OPHN1: variants seen among roughly 807,000 people sequenced by gnomAD.
OPHN1 encodes the protein oligophrenin 1.
A neutral mutation model predicts 60.7 loss-of-function variants in OPHN1; 11 were observed. That is an observed-to-expected ratio of 0.18 (90% CI 0.11 to 0.30). OPHN1 has a LOEUF of 0.30. Among genes scored for constraint, OPHN1 ranks in the 10% least tolerant of loss-of-function variants. OPHN1 has a pLI of 1.00. For synonymous variants in OPHN1, 226 were observed against 222.6 expected (o/e 1.02, Z -0.14); for missense variants, 449 against 611.0 (o/e 0.73, Z 2.80).
At chrX:68,049,858 C>T (rs1176610343) in intron 23 of OPHN1, among the ~76,000 whole-genome samples, 2 of 111,843 alleles carry the variant, frequency 1.8e-5, no homozygotes, top group African/African-American at 3.2e-5. Flanking sequence ...CATAAGCTGT[C>T]GGGCCTCTTT....
intron 2 of OPHN1, among the ~76,000 whole-genome samples, chrX:68,310,894 A>C (rs1478776954): frequency 1.8e-5 from 2 of 111,559 alleles, no homozygotes; most frequent in Non-Finnish European, 3.8e-5. Flanking sequence ...GCAAAATATA[A>C]AAGAAAAAAT....
At chrX:68,221,308 G>C (rs1264946382) in intron 6 of OPHN1, among the ~76,000 whole-genome samples, 1 of 41,892 alleles carries the variant, frequency 2.4e-5, no homozygotes, top group African/African-American at 7.6e-5. Flanking sequence ...AACATTCCAT[G>C]CTCATGGGTA....
chrX:68,182,261 C>T (rs961111131), intron 15 of OPHN1, among the ~76,000 whole-genome samples: 2 of 98,876 alleles, frequency 2.0e-5, no homozygotes, highest in Non-Finnish European at 4.0e-5. Flanking sequence ...AACCAATACC[C>T]ACTGAGGGGG....
intron 2 of OPHN1, among the ~76,000 whole-genome samples, chrX:68,388,280 T>C (rs760025067): frequency 5.7e-5 from 6 of 105,558 alleles, no homozygotes; most frequent in Non-Finnish European, 9.7e-5. Context: ...GCCAACATGG[T>C]GAAACCCTGT....
intron 6 of OPHN1, among the ~76,000 whole-genome samples, chrX:68,222,972 G>A (rs1460700163): frequency 9.1e-6 from 1 of 110,182 alleles, no homozygotes; most frequent in African/African-American, 3.3e-5. Flanking sequence ...AAAAGAAAAT[G>A]GAAATTAAAA....
At chrX:68,122,240 C>T (rs1312305344) in intron 15 of OPHN1, among the ~76,000 whole-genome samples, 1 of 112,060 alleles carries the variant, frequency 8.9e-6, no homozygotes, top group Non-Finnish European at 1.9e-5. Context: ...TCTTATTCAA[C>T]ACCATCAAGG....
intron 4 of OPHN1, among the ~76,000 whole-genome samples, chrX:68,281,044 A>T (rs776605631): frequency 3.6e-5 from 4 of 112,071 alleles, no homozygotes; most frequent in Non-Finnish European, 7.5e-5. Flanking sequence ...TCCTAATCAA[A>T]ATCAAAAAGA....
intron 2 of OPHN1, among the ~76,000 whole-genome samples, chrX:68,362,437 T>A (rs181114944): frequency 1.7e-3 from 193 of 112,058 alleles, no homozygotes; most frequent in Admixed American, 5.5e-3. Context: ...GTTCAAGAGA[T>A]CCATTGTCAA....
In OPHN1 at chrX:68,053,948, A is replaced by ATTT. The variant is rs397895409; in HGVS notation, c.2159-141_2159-139dup. 62,667 of 422,303 alleles carry ATTT rather than the reference A, an allele frequency of 0.15. 2,715 individuals carry two copies. The highest frequency in any genetic ancestry group is 0.29 in the African/African-American group (9,703 of 33,161). 34.8% of individuals were successfully genotyped at this position (422,303 alleles called of 1,213,427 possible). On this transcript the variant is annotated intron_variant, in intron 21 of 24. Coordinates refer to ENST00000355520, the MANE Select transcript of OPHN1 (RefSeq NM_002547.3). ...TTCTTGGTGACTAACAACTCTGGCTATTTTTTTTTTTTTTTGTAATTTTTC... is the reference window on the plus strand; with the variant it reads ...TTCTTGGTGACTAACAACTCTGGCTATTTTTTTTTTTTTTTTTTGTAATTTTTC...
intron 7 of OPHN1, 90 bp from the exon 8 acceptor site, chrX:68,212,302 T>C: frequency 1.6e-6 from 1 of 617,119 alleles, no homozygotes; most frequent in Non-Finnish European, 2.6e-6. Context: ...AACTCCATGG[T>C]GTGGCTGGGT....
intron 20 of OPHN1, among the ~76,000 whole-genome samples, chrX:68,068,852 T>C (rs1286081033): frequency 8.9e-6 from 1 of 111,918 alleles, no homozygotes; most frequent in Non-Finnish European, 1.9e-5. Context: ...TATTCTATAA[T>C]TATATTTCTA....
chrX:68,230,230 G>C lies in OPHN1; in HGVS notation c.486+4257C>G, dbSNP rs958871955. Reference sequence around the variant, plus strand: ...CACAATGAGATACCATCTCACACCAGTTAGAATGGCAATCATTAAAAAGTC... The same window carrying C: ...CACAATGAGATACCATCTCACACCACTTAGAATGGCAATCATTAAAAAGTC... On this transcript the variant is annotated intron_variant, in intron 6 of 24. Transcript: ENST00000355520. Among the ~76,000 whole-genome samples, 7 of 111,401 alleles carry C rather than the reference G, an allele frequency of 6.3e-5. No homozygotes were observed. The East Asian group carries it at 1.7e-3, about 27-fold the overall frequency.
At chrX:68,404,137 G>A (rs754569967) in intron 2 of OPHN1, among the ~76,000 whole-genome samples, 1 of 109,584 alleles carries the variant, frequency 9.1e-6, no homozygotes, top group Non-Finnish European at 1.9e-5. Context: ...CAGCCATTAT[G>A]GAAAACAGTA....
chrX:68,381,808 T>C (rs964800142), intron 2 of OPHN1, among the ~76,000 whole-genome samples: 2 of 111,162 alleles, frequency 1.8e-5, no homozygotes, highest in African/African-American at 6.5e-5. Context: ...CTCTCTCTTC[T>C]CTCCTCTTCC....
At chrX:68,401,090 C>T (rs1183959988) in intron 2 of OPHN1, among the ~76,000 whole-genome samples, 2 of 111,700 alleles carry the variant, frequency 1.8e-5, no homozygotes, top group Non-Finnish European at 3.8e-5. Context: ...GATCCTTTCA[C>T]TTCCCACCAG....
At chrX:68,246,899 A>C (rs2077808594) in intron 5 of OPHN1, among the ~76,000 whole-genome samples, 1 of 111,469 alleles carries the variant, frequency 9.0e-6, no homozygotes, top group Non-Finnish European at 1.9e-5. Flanking sequence ...TAAATATCTT[A>C]CCCAATGCAA....
At chrX:68,268,670 A>G (rs1166690411) in intron 5 of OPHN1, among the ~76,000 whole-genome samples, 1 of 111,597 alleles carries the variant, frequency 9.0e-6, no homozygotes. Context: ...ATTCCCTTTG[A>G]AAACTGGCAC....
At chrX:68,136,691 GAATAAT>G (rs963066504) in intron 15 of OPHN1, among the ~76,000 whole-genome samples, 5 of 111,442 alleles carry the variant, frequency 4.5e-5, no homozygotes, top group African/African-American at 1.3e-4. Context: ...CTGTAAAATG[GAATAAT>G]AATAACACCT....
At chrX:68,101,184 T>A (rs1306699058) in intron 18 of OPHN1, among the ~76,000 whole-genome samples, 1 of 112,459 alleles carries the variant, frequency 8.9e-6, no homozygotes, top group Non-Finnish European at 1.9e-5. Context: ...GAGCACATTA[T>A]TTATGTACCA....
Sources: allele counts gnomAD v4.1 joint callset (sites outside exome capture counted in the v4.1 genomes callset), GRCh38; gene constraint gnomAD v4.1.1; transcripts MANE v1.5; gene names NCBI Gene and HGNC (gene_info 2026-07-23, HGNC 2026-07-21).